NPIPB2: variants seen among roughly 807,000 people sequenced by gnomAD.
The protein encoded by NPIPB2 is nuclear pore complex-interacting protein family member B2.
Under a neutral mutation model 30.8 loss-of-function variants are expected in NPIPB2, and 27 were observed. The observed-to-expected ratio is 0.88, with a 90% CI of 0.65 to 1.21. The LOEUF is 1.21. NPIPB2 is among the 50% of genes most tolerant of loss of function. The pLI, the probability that NPIPB2 is intolerant of heterozygous loss-of-function variation, is 0.00. For missense variants in NPIPB2, 440 were observed against 446.2 expected (o/e 0.99, Z 0.13); for synonymous variants, 147 against 162.0 (o/e 0.91, Z 0.70).
upstream of NPIPB2, among the ~76,000 whole-genome samples, chr16:11,943,149 G>C (rs943964509): frequency 9.2e-5 from 14 of 151,872 alleles, no homozygotes; most frequent in African/African-American, 3.4e-4. Context: ...GTGAAACCCT[G>C]TCTCTAATAA....
At chr16:11,946,245 C>T (rs2055008072), upstream of NPIPB2, among the ~76,000 whole-genome samples, 1 of 151,620 alleles carries the variant, frequency 6.6e-6, no homozygotes, top group South Asian at 2.1e-4. Flanking sequence ...ATTAGCCAGG[C>T]ATGGTGGCAC....
At chr16:11,962,823 C>T (rs2055163811) in intron 1 of NPIPB2, among the ~76,000 whole-genome samples, 1 of 152,062 alleles carries the variant, frequency 6.6e-6, no homozygotes, top group African/African-American at 2.4e-5. Context: ...AATCTCAGCA[C>T]TTTGGGAGGC....
chr16:11,962,150 A>T, intron 1 of NPIPB2, among the ~76,000 whole-genome samples: 1 of 140,960 alleles, frequency 7.1e-6, no homozygotes. Context: ...GTGAGCCCTG[A>T]TGGTGCCACT....
At chr16:11,944,747 A>C (rs1055935728), upstream of NPIPB2, among the ~76,000 whole-genome samples, 1 of 150,394 alleles carries the variant, frequency 6.6e-6, no homozygotes, top group African/African-American at 2.4e-5. Context: ...AAAAAAAAAA[A>C]AAAAAAAAAA....
chr16:11,955,344 ACT>A (rs2055100939), intron 1 of NPIPB2, among the ~76,000 whole-genome samples: 1 of 126,772 alleles, frequency 7.9e-6, no homozygotes, highest in Non-Finnish European at 1.6e-5. Flanking sequence ...ACCGAGTGAA[ACT>A]CTGTGTCAAA....
chr16:11,963,012 C>A (rs142952128), intron 1 of NPIPB2, among the ~76,000 whole-genome samples: 4 of 151,786 alleles, frequency 2.6e-5, no homozygotes, highest in African/African-American at 9.7e-5. Flanking sequence ...GGTTGCAGAT[C>A]GCACTACTGT....
intron 1 of NPIPB2, chr16:11,966,328 G>C: frequency 1.9e-6 from 3 of 1,612,116 alleles, no homozygotes; most frequent in Non-Finnish European, 2.5e-6. Flanking sequence ...TAAAGGACGA[G>C]TTTAAAAACA....
chr16:11,944,011 A>AAAAAAAAG (rs2054973914), upstream of NPIPB2, among the ~76,000 whole-genome samples: 15 of 149,892 alleles, frequency 1.0e-4, no homozygotes, highest in South Asian at 3.2e-3. Flanking sequence ...AAAAAAAAAA[A>AAAAAAAAG]AAAAGAGGCA....
Position 11,966,379 on chromosome 16 carries a change from G to A in NPIPB2, c.-584+10189C>T, listed in dbSNP as rs11570149. On this transcript the variant is annotated intron_variant, in intron 1 of 5. Transcript: ENST00000538896. ...GTGAATCTTTGAAATCTATTTCCAG[G>A]GGATGGCTATTGTGAGTTTCAGTTC... 425 of 1,593,438 alleles carry A rather than the reference G, an allele frequency of 2.7e-4. 1 individual carries two copies. The African/African-American group carries it at 4.8e-3, about 18-fold the overall frequency.
chr16:11,961,595 C>A (rs1208796655), intron 1 of NPIPB2, among the ~76,000 whole-genome samples: 1 of 151,576 alleles, frequency 6.6e-6, no homozygotes, highest in East Asian at 1.9e-4. Context: ...GCCTGGCCAA[C>A]ATACTGAAAC....
At chr16:11,938,721 G>A (rs569305097) in intron 1 of NPIPB2, among the ~76,000 whole-genome samples, 1 of 152,152 alleles carries the variant, frequency 6.6e-6, no homozygotes, top group East Asian at 1.9e-4. Context: ...TCACTCATGG[G>A]TAAGACAAGC....
rs142153746 is a variant in NPIPB2 at position 11,961,646 on chromosome 16, G to A, written c.-584+14922C>T. On this transcript the variant is annotated intron_variant, in intron 1 of 5. Coordinates refer to the NPIPB2 transcript ENST00000538896. ...AATACAAAAATTAGCCAGGCCTGGA[G>A]GCACGCACCTGTAATCCCAGCTACT... 2.0e-3 allele frequency among the ~76,000 whole-genome samples: 303 copies of A among 151,962 alleles called. 4 individuals carry two copies. In the East Asian group the frequency reaches 0.052, roughly 26 times the overall value.
At chr16:11,954,645 C>T (rs990596933) in intron 1 of NPIPB2, among the ~76,000 whole-genome samples, 5 of 151,982 alleles carry the variant, frequency 3.3e-5, no homozygotes, top group Non-Finnish European at 5.9e-5. Flanking sequence ...TGGTGGCTCA[C>T]GCCTCTAATC....
chr16:11,976,322 C>A (rs1014583556), intron 1 of NPIPB2, among the ~76,000 whole-genome samples: 1 of 152,226 alleles, frequency 6.6e-6, no homozygotes, highest in African/African-American at 2.4e-5. Context: ...TGGGGATCTT[C>A]CCGGACTGGG....
At chr16:11,972,866 A>G (rs2055244401) in intron 1 of NPIPB2, among the ~76,000 whole-genome samples, 1 of 151,582 alleles carries the variant, frequency 6.6e-6, no homozygotes, top group African/African-American at 2.4e-5. Flanking sequence ...CGGACTCAAA[A>G]AAAAAAAAAA....
At chr16:11,945,311 T>A (rs559766112), upstream of NPIPB2, among the ~76,000 whole-genome samples, 2 of 151,878 alleles carry the variant, frequency 1.3e-5, no homozygotes, top group Admixed American at 1.3e-4. Context: ...AGGCCAGGAG[T>A]TCGAGGCTGC....
chr16:11,933,881 T>A (rs1253741116), exon 3 of NPIPB2: 1 of 1,563,762 alleles, frequency 6.4e-7, no homozygotes, highest in Non-Finnish European at 8.7e-7. Context: ...TGTGGATACA[T>A]CATGTCCATT....
chr16:11,954,907 C>A (rs1341891150), intron 1 of NPIPB2, among the ~76,000 whole-genome samples: 30 of 145,226 alleles, frequency 2.1e-4, no homozygotes, highest in Non-Finnish European at 2.7e-4. Flanking sequence ...GACTCTGTCT[C>A]AAAAAAAAAA....
At chr16:11,947,824 G>A (rs534740279) in intron 1 of NPIPB2, among the ~76,000 whole-genome samples, 76 of 151,598 alleles carry the variant, frequency 5.0e-4, no homozygotes, top group Middle Eastern at 3.4e-3. Context: ...GACCGGCTTC[G>A]TCCTGGGTTC....
Sources: gnomAD v4.1 joint callset for allele counts (sites outside exome capture counted in the v4.1 genomes callset) on GRCh38, gnomAD v4.1.1 for gene constraint, MANE v1.5 for transcripts, NCBI Gene and HGNC (gene_info 2026-07-23, HGNC 2026-07-21) for gene names.